Variants in NRXN3 observed in about 807,000 individuals in gnomAD.
NRXN3 encodes the protein neurexin 3.
A neutral mutation model predicts 137.6 loss-of-function variants in NRXN3; 32 were observed. That is an observed-to-expected ratio of 0.23 (90% CI 0.18 to 0.31). The LOEUF is 0.31. Ranked by LOEUF, NRXN3 falls within the 10% of genes least tolerant of loss-of-function variation. The probability of loss-of-function intolerance (pLI) is 1.00; values close to 1 mark genes in which losing one functional copy is unlikely to be tolerated. For synonymous variants in NRXN3, 798 were observed against 784.5 expected (o/e 1.02, Z -0.29); for missense variants, 1,574 against 2,062.5 (o/e 0.76, Z 4.59).
chr14:78,936,487 T>C (rs1416759175), intron 10 of NRXN3, among the ~76,000 whole-genome samples: 1 of 152,074 alleles, frequency 6.6e-6, no homozygotes, highest in African/African-American at 2.4e-5. Context: ...TGCAAACTAA[T>C]CTCTAGTGAC....
At chr14:78,468,030 TCTC>T (rs1304327979) in intron 4 of NRXN3, among the ~76,000 whole-genome samples, 1 of 152,028 alleles carries the variant, frequency 6.6e-6, no homozygotes, top group African/African-American at 2.4e-5. Context: ...TTCAAGCAAT[TCTC>T]CTGCCTCAGC....
intron 15 of NRXN3, among the ~76,000 whole-genome samples, chr14:79,077,298 A>G (rs2046136712): frequency 6.6e-6 from 1 of 152,170 alleles, no homozygotes; most frequent in Admixed American, 6.5e-5. Context: ...CAAATAGAAG[A>G]TAGAGCACAC....
At chr14:79,689,040 GA>G (rs2098706162) in intron 17 of NRXN3, among the ~76,000 whole-genome samples, 1 of 152,078 alleles carries the variant, frequency 6.6e-6, no homozygotes, top group Non-Finnish European at 1.5e-5. Context: ...GTGTGATTAA[GA>G]AATGAAGTTA....
At chr14:79,037,226 TG>T (rs2099617591) in intron 15 of NRXN3, among the ~76,000 whole-genome samples, 1 of 152,110 alleles carries the variant, frequency 6.6e-6, no homozygotes. Flanking sequence ...ACAAATCTCC[TG>T]TTGAATGCCT....
In NRXN3 at chr14:79,237,155, C is replaced by G. The variant is rs553237632; in HGVS notation, c.3263-230066C>G. On this transcript the variant is annotated intron_variant, in intron 15 of 20. Coordinates refer to ENST00000335750, the MANE Select transcript of NRXN3 (RefSeq NM_001330195.2). The stretch of plus-strand genomic sequence containing the variant: ...AAAGTTAATTAAAATCAACTTATGT[C>G]TCAACATTTTGTTGCAGTAGAGGAA... 4.6e-5 allele frequency among the ~76,000 whole-genome samples: 7 copies of G among 151,548 alleles called. 1 individual carries two copies. In the South Asian group the frequency reaches 1.5e-3, roughly 31 times the overall value.
intron 16 of NRXN3, among the ~76,000 whole-genome samples, chr14:79,482,669 C>T (rs1243535939): frequency 1.3e-5 from 2 of 152,040 alleles, no homozygotes; most frequent in Admixed American, 6.6e-5. Context: ...CACCTAAACA[C>T]CACTAACCTG....
Position 78,877,134 on chromosome 14 carries a change from A to G in NRXN3, c.2275+66790A>G, listed in dbSNP as rs1452513200. 2.6e-5 allele frequency among the ~76,000 whole-genome samples: 4 copies of G among 152,220 alleles called. No individual in the cohort carries two copies. In the East Asian group the frequency reaches 5.8e-4, roughly 22 times the overall value. On this transcript the variant is annotated intron_variant, in intron 10 of 20. Coordinates refer to ENST00000335750, the MANE Select transcript of NRXN3 (RefSeq NM_001330195.2). ...TAGACTTTCCAGAAAGGTGAGGTTC[A>G]TTCATTCAATTGCTTCTTGGCTGAG...
chr14:78,885,343 G>T (rs2152676635), intron 10 of NRXN3, among the ~76,000 whole-genome samples: 1 of 151,860 alleles, frequency 6.6e-6, no homozygotes, highest in South Asian at 2.1e-4. Flanking sequence ...CTACAAAAAA[G>T]GGTAGGGGAG....
At position 78,975,572 on chromosome 14, in the gene NRXN3, T is replaced by C. The variant is rs779910845; in HGVS notation, c.3142+7226T>C. Among the ~76,000 whole-genome samples the C allele has an allele frequency of 7.5e-4, 114 of 152,210 alleles. 1 individual carries two copies. The highest frequency in any genetic ancestry group is 2.1e-4 in the Non-Finnish European group (14 of 68,014). ...TGGATTTTCATTTTATCAGGATCAC[T>C]CTGACACTAGAATGGAGAAAGGATG... On this transcript the variant is annotated intron_variant, in intron 14 of 20. Coordinates refer to ENST00000335750, the MANE Select transcript of NRXN3 (RefSeq NM_001330195.2).
intron 15 of NRXN3, among the ~76,000 whole-genome samples, chr14:79,457,722 C>T (rs1325816204): frequency 6.6e-6 from 1 of 152,094 alleles, no homozygotes; most frequent in African/African-American, 2.4e-5. Flanking sequence ...ATAAATCAGG[C>T]ATTTAAATCA....
chr14:79,145,125 A>G (rs1039314498), intron 15 of NRXN3, among the ~76,000 whole-genome samples: 1 of 152,072 alleles, frequency 6.6e-6, no homozygotes, highest in African/African-American at 2.4e-5. Flanking sequence ...GCGATTTTAG[A>G]GTTTTCCTGA....
chr14:78,173,896 T>C (rs1348082135), intron 1 of NRXN3, among the ~76,000 whole-genome samples: 1 of 151,658 alleles, frequency 6.6e-6, no homozygotes, highest in Non-Finnish European at 1.5e-5. Flanking sequence ...TCATTCCCCT[T>C]AACCTCTTTC....
At chr14:79,298,457 T>C (rs1319991594) in intron 15 of NRXN3, among the ~76,000 whole-genome samples, 5 of 152,056 alleles carry the variant, frequency 3.3e-5, no homozygotes, top group African/African-American at 7.2e-5. Flanking sequence ...ACCAGATACA[T>C]GAATAGGGAG....
chr14:79,768,603 C>T (rs1324309766), intron 19 of NRXN3, among the ~76,000 whole-genome samples: 2 of 152,250 alleles, frequency 1.3e-5, no homozygotes, highest in South Asian at 2.1e-4. Flanking sequence ...AAAGGACATC[C>T]ACACCAAAAA....
At chr14:79,666,071 T>A (rs1269311890) in intron 17 of NRXN3, among the ~76,000 whole-genome samples, 1 of 152,048 alleles carries the variant, frequency 6.6e-6, no homozygotes, top group African/African-American at 2.4e-5. Flanking sequence ...ATTTGGTGCC[T>A]CTCCCCACAT....
At chr14:79,696,559 A>C (rs1484882078) in intron 18 of NRXN3, among the ~76,000 whole-genome samples, 2 of 151,976 alleles carry the variant, frequency 1.3e-5, no homozygotes, top group Non-Finnish European at 2.9e-5. Context: ...AATTGCAATA[A>C]ATTTTAAAAA....
chr14:78,902,131 A>G (rs375589475), intron 10 of NRXN3, among the ~76,000 whole-genome samples: 33 of 151,628 alleles, frequency 2.2e-4, no homozygotes, highest in African/African-American at 7.8e-4. Context: ...GAAATAGACA[A>G]GTGAGCAAAG....
At chr14:78,525,798 G>C (rs143642880) in intron 4 of NRXN3, among the ~76,000 whole-genome samples, 1 of 152,098 alleles carries the variant, frequency 6.6e-6, no homozygotes, top group African/African-American at 2.4e-5. Context: ...GCTCCTCCTC[G>C]TTTTGTTCTC....
chr14:78,468,026 C>T (rs1039682097), intron 4 of NRXN3, among the ~76,000 whole-genome samples: 8 of 152,108 alleles, frequency 5.3e-5, no homozygotes, highest in Non-Finnish European at 1.2e-4. Context: ...CAGGTTCAAG[C>T]AATTCTCCTG....
Sources: allele counts gnomAD v4.1 joint callset (sites outside exome capture counted in the v4.1 genomes callset), GRCh38; gene constraint gnomAD v4.1.1; transcripts MANE v1.5; gene names NCBI Gene and HGNC (gene_info 2026-07-23, HGNC 2026-07-21).